The following NELL1 variants were observed in gnomAD, a reference collection of about 807,000 sequenced individuals.
NELL1 encodes neural EGFL like 1, also known as protein kinase C-binding protein NELL1.
NELL1 carries 76 observed loss-of-function variants against 107.4 expected under a neutral mutation model. The observed-to-expected ratio is 0.71, with a 90% CI of 0.59 to 0.86. The LOEUF is 0.86. NELL1 is among the 40% of genes least tolerant of loss of function. The pLI is 0.00. For synonymous variants in NELL1, 353 were observed against 341.2 expected (o/e 1.03, Z -0.38); for missense variants, 1,024 against 1,005.5 (o/e 1.02, Z -0.25).
At chr11:20,971,985 T>A (rs914142122) in intron 12 of NELL1, among the ~76,000 whole-genome samples, 1 of 130,356 alleles carries the variant, frequency 7.7e-6, no homozygotes, top group African/African-American at 3.0e-5. Context: ...TGAGAACACA[T>A]GAGCACAGGG....
At chr11:21,068,032 C>CAAAAAA (rs1195285619) in intron 12 of NELL1, among the ~76,000 whole-genome samples, 6,808 of 40,382 alleles carry the variant, frequency 0.17, 1,681 homozygotes, top group Non-Finnish European at 0.18. Flanking sequence ...GATGCCATCT[C>CAAAAAA]AAAAAAAAAA....
intron 4 of NELL1, among the ~76,000 whole-genome samples, chr11:20,876,647 C>T (rs1026336805): frequency 6.6e-6 from 1 of 152,034 alleles, no homozygotes; most frequent in African/African-American, 2.4e-5. Flanking sequence ...TGCCTGTAGT[C>T]CCAGCTACTT....
chr11:20,985,849 A>G (rs984935359), intron 12 of NELL1, among the ~76,000 whole-genome samples: 4 of 152,204 alleles, frequency 2.6e-5, no homozygotes, highest in African/African-American at 9.6e-5. Context: ...GGTTAGTTGC[A>G]AGATTCACAT....
At chr11:20,884,538 T>C (rs772392341) in intron 4 of NELL1, among the ~76,000 whole-genome samples, 1 of 151,942 alleles carries the variant, frequency 6.6e-6, no homozygotes, top group African/African-American at 2.4e-5. Context: ...TGGAAGCTCG[T>C]GATCAGTGGG....
intron 14 of NELL1, among the ~76,000 whole-genome samples, chr11:21,359,616 A>G (rs1431662905): frequency 1.3e-5 from 2 of 152,112 alleles, no homozygotes; most frequent in African/African-American, 4.8e-5. Flanking sequence ...TCAGCTGTGA[A>G]TCCATCTGGT....
intron 11 of NELL1, among the ~76,000 whole-genome samples, chr11:20,950,935 C>G (rs1361611854): frequency 6.6e-6 from 1 of 152,240 alleles, no homozygotes; most frequent in African/African-American, 2.4e-5. Flanking sequence ...TTTATCATCT[C>G]TCTCTTACTG....
In NELL1 at chr11:21,058,815, T is replaced by C. The variant is rs575663514; in HGVS notation, c.1301-54774T>C. ...TTTGATGAGGGCACTTGGTCTTGCA[T>C]TGAGTGTCAGAGGGACTAGCTTAGC... On this transcript the variant is annotated intron_variant, in intron 12 of 19. Coordinates refer to ENST00000357134, the MANE Select transcript of NELL1 (RefSeq NM_006157.5). 2.6e-5 allele frequency among the ~76,000 whole-genome samples: 4 copies of C among 152,298 alleles called. No individual in the cohort carries two copies. The East Asian group carries it at 5.8e-4, about 22-fold the overall frequency.
intron 14 of NELL1, among the ~76,000 whole-genome samples, chr11:21,265,686 T>A (rs909321090): frequency 3.3e-5 from 5 of 152,078 alleles, no homozygotes; most frequent in African/African-American, 1.2e-4. Flanking sequence ...TTTTAAAGTT[T>A]CTGTTTGCAT....
chr11:20,707,370 C>T (rs541990516), intron 2 of NELL1, among the ~76,000 whole-genome samples: 8 of 152,312 alleles, frequency 5.3e-5, no homozygotes, highest in East Asian at 1.9e-4. Flanking sequence ...TCCCTCAACT[C>T]GTCAAAATCA....
intron 17 of NELL1, among the ~76,000 whole-genome samples, chr11:21,568,773 G>A (rs140704041): frequency 0.011 from 1,729 of 151,430 alleles, 16 homozygotes; most frequent in Non-Finnish European, 0.019. Context: ...AGGTCTTCAG[G>A]GACAATAACA....
At chr11:21,252,490 A>C (rs1228247973) in intron 14 of NELL1, among the ~76,000 whole-genome samples, 1 of 152,166 alleles carries the variant, frequency 6.6e-6, no homozygotes, top group African/African-American at 2.4e-5. Flanking sequence ...AATCTCATGC[A>C]GCTAAAGGAA....
chr11:21,437,368 C>CT (rs1184838467), intron 15 of NELL1, among the ~76,000 whole-genome samples: 2 of 151,888 alleles, frequency 1.3e-5, no homozygotes, highest in Middle Eastern at 3.4e-3. Context: ...TGTATAATGA[C>CT]TTTTTTTTGA....
chr11:21,383,226 C>T (rs1021569711), intron 15 of NELL1, among the ~76,000 whole-genome samples: 1 of 151,852 alleles, frequency 6.6e-6, no homozygotes, highest in Admixed American at 6.6e-5. Context: ...ACAGCAAGGT[C>T]TATGCATTTA....
At chr11:20,744,523 G>T (rs1244682017) in intron 2 of NELL1, among the ~76,000 whole-genome samples, 1 of 152,150 alleles carries the variant, frequency 6.6e-6, no homozygotes, top group East Asian at 1.9e-4. Context: ...GAGCTTGACT[G>T]GGAGTTCAGC....
chr11:20,935,014 C>G (rs1051467860), intron 9 of NELL1, among the ~76,000 whole-genome samples: 1 of 152,134 alleles, frequency 6.6e-6, no homozygotes. Context: ...TAACTCTTAT[C>G]TGTGGATCAA....
At chr11:21,543,184 G>C (rs1221128730) in intron 16 of NELL1, among the ~76,000 whole-genome samples, 1 of 152,126 alleles carries the variant, frequency 6.6e-6, no homozygotes, top group South Asian at 2.1e-4. Flanking sequence ...TGGTTAAATA[G>C]CATGCCACCT....
chr11:20,812,733 G>T (rs966911134), intron 3 of NELL1, among the ~76,000 whole-genome samples: 1 of 152,054 alleles, frequency 6.6e-6, no homozygotes, highest in Admixed American at 6.5e-5. Context: ...GAGGGGCCGG[G>T]CGCGGTGGCT....
Position 21,237,466 on chromosome 11 carries a change from C to G in NELL1, c.1549+8012C>G, listed in dbSNP as rs1858238819. Among the ~76,000 whole-genome samples the G allele has an allele frequency of 2.6e-5, 4 of 152,036 alleles. No individual in the cohort carries two copies. The South Asian group carries it at 8.3e-4, about 32-fold the overall frequency. On this transcript the variant is annotated intron_variant, in intron 14 of 19. Coordinates refer to ENST00000357134, the MANE Select transcript of NELL1 (RefSeq NM_006157.5). The stretch of plus-strand genomic sequence containing the variant: ...GAGTCTTTCTTTCTTACATGTGCCT[C>G]TTCTCTTTAGTTTTATAATTCGATC...
At chr11:21,323,964 C>CA (rs962987487) in intron 14 of NELL1, among the ~76,000 whole-genome samples, 60 of 152,220 alleles carry the variant, frequency 3.9e-4, no homozygotes, top group Middle Eastern at 3.4e-3. Context: ...CTTTCATTCT[C>CA]AAGCAACTTG....
Sources: allele counts gnomAD v4.1 joint callset (sites outside exome capture counted in the v4.1 genomes callset), GRCh38; gene constraint gnomAD v4.1.1; transcripts MANE v1.5; gene names NCBI Gene and HGNC (gene_info 2026-07-23, HGNC 2026-07-21).